The following MAPK10 variants were observed in gnomAD, a reference collection of about 807,000 sequenced individuals.
MAPK10 encodes the protein mitogen-activated protein kinase 10.
In MAPK10, 25 loss-of-function variants were observed where a neutral mutation model predicts 59.3. The observed-to-expected ratio is 0.42, with a 90% CI of 0.31 to 0.59. MAPK10 has a LOEUF of 0.59. MAPK10 is among the 20% of genes least tolerant of loss of function. The pLI, the probability that MAPK10 is intolerant of heterozygous loss-of-function variation, is 0.15. For synonymous variants in MAPK10, 190 were observed against 200.5 expected (o/e 0.95, Z 0.44); for missense variants, 351 against 568.9 (o/e 0.62, Z 3.90).
chr4:86,026,360 G>C (rs867428538), intron 13 of MAPK10: 2 of 152,142 alleles, frequency 1.3e-5, no homozygotes, highest in East Asian at 3.9e-4. Context: ...AATTGTTACA[G>C]ATCAATTCAG....
At chr4:86,159,087 C>A in intron 4 of MAPK10, 6 of 346,710 alleles carry the variant, frequency 1.7e-5, no homozygotes, top group Non-Finnish European at 2.1e-5. Flanking sequence ...AAAAAAAAAA[C>A]ATGTCACAAG....
chr4:86,475,603 C>A (rs1280697215), intron 1 of MAPK10, among the ~76,000 whole-genome samples: 1 of 152,132 alleles, frequency 6.6e-6, no homozygotes, highest in Admixed American at 6.5e-5. Context: ...TGCGGGGATG[C>A]CTGCCTGATT....
intron 1 of MAPK10, among the ~76,000 whole-genome samples, chr4:86,413,550 G>A (rs994064383): frequency 1.3e-5 from 2 of 152,240 alleles, no homozygotes; most frequent in African/African-American, 4.8e-5. Context: ...TTGCTGAGCT[G>A]TGGTGGGCTC....
intron 4 of MAPK10, among the ~76,000 whole-genome samples, chr4:86,114,548 G>C (rs903508309): frequency 3.3e-4 from 50 of 152,336 alleles, no homozygotes; most frequent in East Asian, 1.4e-3. Flanking sequence ...ATGGCTGCCT[G>C]CTCCTTCCTC....
At chr4:86,560,453 T>C (rs1208256639) in intron 1 of MAPK10, among the ~76,000 whole-genome samples, 3 of 152,244 alleles carry the variant, frequency 2.0e-5, no homozygotes. Flanking sequence ...CAACTTATAA[T>C]GGAATTCTTG....
chr4:86,093,802 T>C (rs912608082), intron 9 of MAPK10, among the ~76,000 whole-genome samples: 2 of 151,864 alleles, frequency 1.3e-5, no homozygotes, highest in African/African-American at 2.4e-5. Context: ...TTTCATAAAA[T>C]AATAACAAAA....
At chr4:86,124,358 G>C (rs900881108) in intron 4 of MAPK10, 3 of 151,666 alleles carry the variant, frequency 2.0e-5, no homozygotes, top group African/African-American at 7.3e-5. Context: ...AGCTGATATT[G>C]AATTAAAAAA....
intron 13 of MAPK10, among the ~76,000 whole-genome samples, chr4:86,019,609 C>T (rs1363575529): frequency 6.6e-6 from 1 of 152,074 alleles, no homozygotes; most frequent in African/African-American, 2.4e-5. Flanking sequence ...TGTTTTTCAC[C>T]CCCGATTCTG....
At chr4:86,218,942 C>T (rs565683330) in intron 2 of MAPK10, among the ~76,000 whole-genome samples, 4 of 152,306 alleles carry the variant, frequency 2.6e-5, no homozygotes, top group East Asian at 3.9e-4. Flanking sequence ...GAAATGGAAG[C>T]GGCTTTACCC....
intron 2 of MAPK10, among the ~76,000 whole-genome samples, chr4:86,245,877 A>G (rs1051911400): frequency 1.8e-4 from 28 of 152,316 alleles, no homozygotes; most frequent in Admixed American, 1.4e-3. Context: ...TTAAAAATCT[A>G]ATTAAACCCC....
intron 2 of MAPK10, among the ~76,000 whole-genome samples, chr4:86,314,582 G>A (rs1228669768): frequency 6.6e-6 from 1 of 152,038 alleles, no homozygotes; most frequent in Non-Finnish European, 1.5e-5. Flanking sequence ...TCGTGGGTAT[G>A]TCTTTATCAG....
chr4:86,131,982 C>T (rs1229663172), intron 4 of MAPK10, among the ~76,000 whole-genome samples: 3 of 152,172 alleles, frequency 2.0e-5, no homozygotes, highest in Admixed American at 6.6e-5. Flanking sequence ...GTTATCTCAT[C>T]TCCTTTCTGC....
At chr4:86,278,324 T>TA (rs2094661544) in intron 2 of MAPK10, among the ~76,000 whole-genome samples, 1 of 152,194 alleles carries the variant, frequency 6.6e-6, no homozygotes. Context: ...TGTATTAGAA[T>TA]AAGGATTGCC....
At chr4:86,196,806 T>G (rs936522357) in intron 2 of MAPK10, among the ~76,000 whole-genome samples, 2 of 152,218 alleles carry the variant, frequency 1.3e-5, no homozygotes, top group Non-Finnish European at 2.9e-5. Flanking sequence ...ACACCATTTA[T>G]TAAATAGGGA....
chr4:86,233,229 C>T (rs1318173404), intron 2 of MAPK10, among the ~76,000 whole-genome samples: 1 of 152,128 alleles, frequency 6.6e-6, no homozygotes, highest in Non-Finnish European at 1.5e-5. Context: ...ACCAAAAATA[C>T]AGACCCAAAG....
chr4:86,247,402 C>T (rs1471734083), intron 2 of MAPK10, among the ~76,000 whole-genome samples: 1 of 152,210 alleles, frequency 6.6e-6, no homozygotes, highest in African/African-American at 2.4e-5. Context: ...TGTTAATATA[C>T]ATTTTTGTTA....
chr4:86,225,027 A>C (rs2090366932), intron 2 of MAPK10, among the ~76,000 whole-genome samples: 1 of 152,214 alleles, frequency 6.6e-6, no homozygotes, highest in Non-Finnish European at 1.5e-5. Context: ...TAACTGCTAA[A>C]GTAAGTTAAT....
At chr4:86,154,480 T>C (rs1164467825) in intron 4 of MAPK10, among the ~76,000 whole-genome samples, 1 of 152,104 alleles carries the variant, frequency 6.6e-6, no homozygotes. Flanking sequence ...ATATACACAG[T>C]GTGATGATGA....
intron 1 of MAPK10, among the ~76,000 whole-genome samples, chr4:86,484,721 A>G (rs1045455086): frequency 1.3e-5 from 2 of 150,788 alleles, no homozygotes; most frequent in South Asian, 2.1e-4. Flanking sequence ...AAATGTGGGT[A>G]TTATTATGTT....
Sources: gnomAD v4.1 joint callset for allele counts (sites outside exome capture counted in the v4.1 genomes callset) on GRCh38, gnomAD v4.1.1 for gene constraint, MANE v1.5 for transcripts, NCBI Gene and HGNC (gene_info 2026-07-23, HGNC 2026-07-21) for gene names.